The following HSPA2 variants were observed in gnomAD, a reference collection of about 807,000 sequenced individuals.
HSPA2 encodes heat shock protein family A (Hsp70) member 2.
Under a neutral mutation model 35.0 loss-of-function variants are expected in HSPA2, and 13 were observed. That is an observed-to-expected ratio of 0.37 (90% CI 0.24 to 0.59). The LOEUF (loss-of-function observed/expected upper bound fraction) is 0.59. Ranked by LOEUF, HSPA2 falls within the 20% of genes least tolerant of loss-of-function variation. HSPA2 has a pLI of 0.70. For synonymous variants in HSPA2, 368 were observed against 382.1 expected, an observed-to-expected ratio of 0.96 and a Z score of 0.43; for missense variants, 565 against 885.4, an observed-to-expected ratio of 0.64 and a Z score of 4.59.
rs149705950 is a variant in HSPA2, at chr14:64,541,998, C to T, written c.1149C>T (p.Leu383=). 3.6e-4 allele frequency: 582 copies of T among 1,613,530 alleles called. 4 individuals are homozygous for T. In the African/African-American group the frequency reaches 6.9e-3, roughly 19 times the overall value. ...GCGCCGCGGTGCAGGCGGCCATCCT[C>T]ATCGGCGACAAATCAGAGAATGTGC... ...AYGAAVQAAI[L]IGDKSENVQD... The change falls in exon 1 of 1, where the codon CTC becomes CTT. Residue 383 remains leucine (L), a synonymous_variant. Transcript: ENST00000247207.
chr14:64,540,627 C>G, upstream of HSPA2: 1 of 661,750 alleles, frequency 1.5e-6, no homozygotes, highest in Non-Finnish European at 2.5e-6. Flanking sequence ...TCACTCCGAC[C>G]TAGGCAAGCC....
At chr14:64,539,047 C>A (rs2080002254), upstream of HSPA2, among the ~76,000 whole-genome samples, 1 of 152,102 alleles carries the variant, frequency 6.6e-6, no homozygotes, top group East Asian at 1.9e-4. Context: ...AGCAAGTGAT[C>A]CACCTACCGC....
chr14:64,538,414 T>C (rs1280433090), upstream of HSPA2, among the ~76,000 whole-genome samples: 1 of 152,216 alleles, frequency 6.6e-6, no homozygotes, highest in Admixed American at 6.5e-5. Context: ...CTGAAGAGCC[T>C]ATTGCTTGCC....
Position 64,541,558 on chromosome 14 carries a change from G to T in HSPA2, c.709G>T (p.Asp237Tyr). Residue 237 changes from aspartate (D) to tyrosine (Y), a missense_variant, in exon 1 of 1, where the codon GAC becomes TAC. Asp to Tyr is a radical substitution (Grantham distance 160). This residue lies in a region of HSPA2 where 234 missense variants were observed against 419.0 expected (regional missense o/e 0.56). Coordinates refer to ENST00000247207, the MANE Select transcript of HSPA2 (RefSeq NM_021979.4). ...CACCCACCTGGGCGGTGAGGACTTCGACAACCGCATGGTGAGCCACCTGGC... is the reference window on the plus strand; with the variant it reads ...CACCCACCTGGGCGGTGAGGACTTCTACAACCGCATGGTGAGCCACCTGGC... ...GDTHLGGEDF[D>Y]NRMVSHLAEE... is the part of the protein sequence containing the mutation. 6.2e-7 allele frequency: 1 copy of T among 1,613,022 alleles called. No homozygotes were observed.
upstream of HSPA2, among the ~76,000 whole-genome samples, chr14:64,538,750 T>C (rs45457702): frequency 2.6e-5 from 4 of 152,236 alleles, no homozygotes; most frequent in Admixed American, 2.0e-4. Context: ...ACGTAGTAGG[T>C]ACCTGTTCAA....
At position 64,542,895 on chromosome 14, in the gene HSPA2, T is replaced by G. The variant is rs2080044579; in HGVS notation, c.*126T>G. On this transcript the variant is annotated 3_prime_UTR_variant, in exon 1 of 1. Coordinates refer to ENST00000247207, the MANE Select transcript of HSPA2 (RefSeq NM_021979.4). The surrounding 1 kb of genome is among the most constrained non-coding windows in gnomAD (Gnocchi z 5.7). Reference sequence around the variant, plus strand: ...GTTGGAAGTCTTTGGTATATGCAAATGAAAGGAGAGGTGCAACAACTTAGT... The same window carrying G: ...GTTGGAAGTCTTTGGTATATGCAAAGGAAAGGAGAGGTGCAACAACTTAGT... The G allele has an allele frequency of 2.2e-6, 3 of 1,381,318 alleles. No individual in the cohort carries two copies. In the East Asian group the frequency reaches 7.6e-5, roughly 35 times the overall value. 85.6% of individuals were successfully genotyped at this position (1,381,318 alleles called of 1,614,324 possible).
upstream of HSPA2, among the ~76,000 whole-genome samples, chr14:64,537,494 G>A (rs2079988115): frequency 6.6e-6 from 1 of 151,836 alleles, no homozygotes; most frequent in South Asian, 2.1e-4. Context: ...GGAAGGCTGA[G>A]GCACGACAAT....
upstream of HSPA2, chr14:64,540,707 G>T: frequency 7.8e-7 from 1 of 1,278,024 alleles, no homozygotes; most frequent in Non-Finnish European, 1.1e-6. Context: ...TCCCAGAGGC[G>T]GCTATAAGAA....
rs1480097657 is a variant in HSPA2 at position 64,541,027 on chromosome 14, G to A, written c.178G>A (p.Val60Met). 7 of 1,614,190 alleles carry A rather than the reference G, an allele frequency of 4.3e-6. No individual in the cohort carries two copies. The highest frequency in any genetic ancestry group is 5.9e-6 in the Non-Finnish European group (7 of 1,180,036). ...RLIGDAAKNQ[V>M]AMNPTNTIFD... ...CATCGGCGACGCCGCCAAGAACCAG[G>A]TGGCCATGAACCCCACCAACACCAT... Residue 60 changes from valine (V) to methionine (M), a missense_variant, in exon 1 of 1, where the codon GTG (valine) becomes ATG (methionine). Around this residue, in one of 4 missense-constraint regions of HSPA2, gnomAD observed 183 missense variants for 281.6 expected, o/e 0.65. Transcript: ENST00000247207.
At chr14:64,538,964 C>G (rs2080001494), upstream of HSPA2, among the ~76,000 whole-genome samples, 1 of 152,190 alleles carries the variant, frequency 6.6e-6, no homozygotes, top group South Asian at 2.1e-4. Flanking sequence ...CGCCACCACG[C>G]CCGGCTAATT....
In HSPA2 at chr14:64,542,090, C is replaced by T; in HGVS notation, c.1241C>T (p.Thr414Ile). 6.2e-7 allele frequency: 1 copy of T among 1,613,630 alleles called. No individual in the cohort carries two copies. The highest frequency in any genetic ancestry group is 8.5e-7 in the Non-Finnish European group (1 of 1,180,028). Residue 414 changes from threonine to isoleucine, a missense_variant, in exon 1 of 1, where the codon ACC becomes ATC. Thr to Ile is a moderately conservative substitution (Grantham distance 89, BLOSUM62 -1). This residue lies in a region of HSPA2 where 234 missense variants were observed against 419.0 expected (regional missense o/e 0.56). Transcript: ENST00000247207. This position sits in a 1 kb window ranked among gnomAD's most constrained non-coding sequence, Gnocchi z 5.7. The part of the protein sequence containing the change: ...LGIETAGGVM[T>I]PLIKRNTTIP... ...ATCGAGACAGCTGGCGGTGTCATGA[C>T]CCCACTCATCAAGAGGAACACCACG...
rs762607721 is a variant in HSPA2, at chr14:64,541,274, G to A, written c.425G>A (p.Ser142Asn). The change falls in exon 1 of 1, where the codon AGC (serine) becomes AAC (asparagine). Residue 142 changes from serine (S) to asparagine (N), a missense_variant. Coordinates refer to ENST00000247207, the MANE Select transcript of HSPA2 (RefSeq NM_021979.4). The part of the protein sequence containing the change: ...AEAYLGGKVH[S>N]AVITVPAYFN... ...GCCTACCTGGGGGGCAAGGTGCACAGCGCGGTCATAACGGTCCCGGCCTAT... is the reference window on the plus strand; with the variant it reads ...GCCTACCTGGGGGGCAAGGTGCACAACGCGGTCATAACGGTCCCGGCCTAT... 9 of 1,613,322 alleles carry A rather than the reference G, an allele frequency of 5.6e-6. No homozygotes were observed. The Admixed American group carries it at 8.3e-5, about 15-fold the overall frequency.
At position 64,541,833 on chromosome 14, in the gene HSPA2, G is replaced by A. The variant is rs759940927; in HGVS notation, c.984G>A (p.Lys328=). Residue 328 remains lysine (K), a synonymous_variant, in exon 1 of 1, where the codon AAG becomes AAA. Coordinates refer to ENST00000247207, the MANE Select transcript of HSPA2 (RefSeq NM_021979.4). The part of the protein sequence containing the change: ...EPVEKALRDA[K]LDKGQIQEIV... ...TGGAGAAGGCGCTGCGCGACGCCAA[G>A]CTGGACAAGGGCCAGATCCAGGAGA... 1.2e-6 allele frequency: 2 copies of A among 1,613,660 alleles called. No homozygotes were observed. Among genetic ancestry groups the A allele is most frequent in the Non-Finnish European group, 1.7e-6 (2 of 1,180,034 alleles).
chr14:64,540,224 C>T (rs1802145760), upstream of HSPA2: 2 of 156,988 alleles, frequency 1.3e-5, no homozygotes, highest in Admixed American at 1.2e-4. Context: ...ATGAATTCCT[C>T]CGCCCCTGCG....
Position 64,542,535 on chromosome 14 carries a change from G to T in HSPA2, c.1686G>T (p.Arg562Ser). The change falls in exon 1 of 1, where the codon AGG (arginine) becomes AGT (serine). Residue 562 changes from arginine (R) to serine (S), a missense_variant. Around this residue, in one of 4 missense-constraint regions of HSPA2, gnomAD observed 147 missense variants for 166.7 expected, o/e 0.88. Transcript: ENST00000247207. This position sits in a 1 kb window ranked among gnomAD's most constrained non-coding sequence, Gnocchi z 5.7. ...IKQTVEDEKL[R>S]GKISEQDKNK... ...AGACGGTGGAAGACGAGAAACTGAGGGGCAAGATTAGCGAGCAGGACAAAA... is the reference window on the plus strand; with the variant it reads ...AGACGGTGGAAGACGAGAAACTGAGTGGCAAGATTAGCGAGCAGGACAAAA... 2.5e-6 allele frequency: 4 copies of T among 1,613,368 alleles called. No homozygotes were observed. Among genetic ancestry groups the T allele is most frequent in the Non-Finnish European group, 3.4e-6 (4 of 1,179,940 alleles).
Position 64,542,823 on chromosome 14 carries a change from TTTG to T in HSPA2, c.*57_*59del, listed in dbSNP as rs2080044264. ...TTGCCTTTCTCTCTCTCTCTTTTTT[TTTG>T]TTTGTTTCTTTGAAATGTCCTTGTG... On this transcript the variant is annotated 3_prime_UTR_variant, in exon 1 of 1. Coordinates refer to ENST00000247207, the MANE Select transcript of HSPA2 (RefSeq NM_021979.4). This position sits in a 1 kb window ranked among gnomAD's most constrained non-coding sequence, Gnocchi z 5.7. 6.7e-6 allele frequency: 10 copies of T among 1,503,132 alleles called. No individual in the cohort carries two copies. Among genetic ancestry groups the T allele is most frequent in the South Asian group, 4.0e-5 (3 of 75,330 alleles). 93.1% of individuals were successfully genotyped at this position (1,503,132 alleles called of 1,614,324 possible). A position where few individuals can be genotyped will look rare whatever the true frequency, so the allele number is the denominator to read the frequency against.
Position 64,541,509 on chromosome 14 carries a change from C to T in HSPA2, c.660C>T (p.Phe220=), listed in dbSNP as rs538946544. Residue 220 remains phenylalanine (F), a synonymous_variant, in exon 1 of 1, where the codon TTC becomes TTT. Coordinates refer to ENST00000247207, the MANE Select transcript of HSPA2 (RefSeq NM_021979.4). The part of the protein sequence containing the change: ...VSILTIEDGI[F]EVKSTAGDTH... ...TCCTGACCATCGAGGATGGCATCTT[C>T]GAGGTGAAGTCCACGGCCGGCGACA... The T allele has an allele frequency of 2.5e-6, 4 of 1,609,244 alleles. No homozygotes were observed. The highest frequency in any genetic ancestry group is 1.3e-5 in the African/African-American group (1 of 74,990).
At chr14:64,536,477 T>C (rs149220285), upstream of HSPA2, among the ~76,000 whole-genome samples, 390 of 152,258 alleles carry the variant, frequency 2.6e-3, 2 homozygotes, top group African/African-American at 8.7e-3. Context: ...AGAAAAAATA[T>C]TGGCCAGGTG....
chr14:64,541,988 C>A lies in HSPA2; in HGVS notation c.1139C>A (p.Ala380Glu). 2 of 1,613,528 alleles carry A rather than the reference C, an allele frequency of 1.2e-6. No individual in the cohort carries two copies. Among genetic ancestry groups the A allele is most frequent in the Non-Finnish European group, 1.7e-6 (2 of 1,180,040 alleles). ...GTGGCCTATGGCGCCGCGGTGCAGGCGGCCATCCTCATCGGCGACAAATCA... is the reference window on the plus strand; with the variant it reads ...GTGGCCTATGGCGCCGCGGTGCAGGAGGCCATCCTCATCGGCGACAAATCA... ...EAVAYGAAVQAAILIGDKSEN... is the reference protein window; with the variant it reads ...EAVAYGAAVQEAILIGDKSEN... Residue 380 changes from alanine to glutamate, a missense_variant, in exon 1 of 1, where the codon GCG becomes GAG. Around this residue, in one of 4 missense-constraint regions of HSPA2, gnomAD observed 234 missense variants for 419.0 expected, o/e 0.56. Coordinates refer to ENST00000247207, the MANE Select transcript of HSPA2 (RefSeq NM_021979.4).
Sources: allele counts gnomAD v4.1 joint callset (sites outside exome capture counted in the v4.1 genomes callset), GRCh38; gene constraint gnomAD v4.1.1; regional missense constraint gnomAD v4.1.1; non-coding constraint Gnocchi (gnomAD v3.1); transcripts MANE v1.5; gene names NCBI Gene and HGNC (gene_info 2026-07-23, HGNC 2026-07-21).